Variants in CENPK observed in about 807,000 individuals in gnomAD.
CENPK encodes the protein SoxLZ/Sox6-binding protein Solt.
CENPK carries 46 observed loss-of-function variants against 40.9 expected under a neutral mutation model. The ratio of observed to expected loss-of-function variants is 1.13; its 90% CI spans 0.89 to 1.44. The LOEUF is 1.44. Among genes scored for constraint, CENPK ranks in the 40% most tolerant of loss-of-function variants. The pLI is 0.00. For synonymous variants in CENPK, 107 were observed against 104.4 expected (o/e 1.02, Z -0.15); for missense variants, 288 against 303.5 (o/e 0.95, Z 0.38).
chr5:65,531,448 A>G (rs1431596357), intron 6 of CENPK, among the ~76,000 whole-genome samples: 1 of 151,678 alleles, frequency 6.6e-6, no homozygotes, highest in Non-Finnish European at 1.5e-5. Flanking sequence ...ATGCAACATC[A>G]AGATTTCTGG....
intron 6 of CENPK, among the ~76,000 whole-genome samples, chr5:65,531,421 T>TC (rs1235928726): frequency 7.1e-6 from 1 of 140,096 alleles, no homozygotes; most frequent in Non-Finnish European, 1.5e-5. Flanking sequence ...TTTTTTTTCA[T>TC]CCCCCAAACA....
downstream of CENPK, among the ~76,000 whole-genome samples, chr5:65,513,841 T>A (rs1261202611): frequency 6.6e-6 from 1 of 152,216 alleles, no homozygotes. Context: ...TTGTTAGCTG[T>A]AGGTTTTTTG....
intron 9 of CENPK, among the ~76,000 whole-genome samples, chr5:65,527,513 ATATATATATATATATATAT>A (rs1744926039): frequency 8.4e-5 from 1 of 11,868 alleles, no homozygotes; most frequent in Non-Finnish European, 1.8e-4. Flanking sequence ...ATATATATAT[ATATATATATATATATATAT>A]ATATATATAT....
intron 10 of CENPK, among the ~76,000 whole-genome samples, chr5:65,520,183 CG>C (rs1267664542): frequency 6.6e-6 from 1 of 152,084 alleles, no homozygotes; most frequent in Non-Finnish European, 1.5e-5. Flanking sequence ...TCGCAAGATC[CG>C]GCTGCTTAAA....
chr5:65,530,660 A>G (rs1016430637), intron 6 of CENPK, among the ~76,000 whole-genome samples: 2 of 152,364 alleles, frequency 1.3e-5, no homozygotes, highest in African/African-American at 4.8e-5. Context: ...TAAAGTAACT[A>G]TGAAAACAAA....
intron 10 of CENPK, among the ~76,000 whole-genome samples, chr5:65,520,202 G>A (rs1308375414): frequency 6.6e-6 from 1 of 152,122 alleles, no homozygotes; most frequent in Non-Finnish European, 1.5e-5. Context: ...AAAAGTGTGT[G>A]TGGTACCTTT....
intron 6 of CENPK, among the ~76,000 whole-genome samples, chr5:65,538,430 T>A (rs184787961): frequency 3.1e-4 from 47 of 152,308 alleles, no homozygotes; most frequent in African/African-American, 1.1e-3. Context: ...TACTTAGAAA[T>A]ATTTTCTTTT....
chr5:65,549,054 TTAAA>T (rs1749516052), intron 5 of CENPK, among the ~76,000 whole-genome samples: 1 of 152,242 alleles, frequency 6.6e-6, no homozygotes, highest in Non-Finnish European at 1.5e-5. Flanking sequence ...AGTGTATTTC[TTAAA>T]TAATAAGACT....
In CENPK at chr5:65,518,535, T is replaced by A; in HGVS notation, c.750A>T (p.Gly250=). ...GATCTTCTGGATGTCTCAAGGCAAT[T>A]CCATTACGCAGCAGCAGCTCAACAT... ...PPYVELLLRN[G]IALRHPEDPT... is the part of the protein sequence containing the mutation. The change falls in exon 11 of 11, where the codon GGA becomes GGT. Residue 250 remains glycine, a synonymous_variant. Coordinates refer to ENST00000396679, the MANE Select transcript of CENPK (RefSeq NM_022145.5). The A allele has an allele frequency of 6.2e-7, 1 of 1,613,524 alleles. No individual in the cohort carries two copies. The highest frequency in any genetic ancestry group is 8.5e-7 in the Non-Finnish European group (1 of 1,179,776).
intron 5 of CENPK, among the ~76,000 whole-genome samples, chr5:65,547,118 C>G (rs553118350): frequency 6.6e-6 from 1 of 152,130 alleles, no homozygotes; most frequent in Admixed American, 6.5e-5. Flanking sequence ...TGAGGCTGGG[C>G]GTGGTGGCTC....
chr5:65,529,334 T>A (rs1403263725), intron 6 of CENPK, 135 bp from the exon 7 acceptor site: 17 of 616,852 alleles, frequency 2.8e-5, no homozygotes, highest in Non-Finnish European at 5.6e-6. Flanking sequence ...CAGAAAGCAT[T>A]TGAAAAGGTA....
Position 65,518,619 on chromosome 5 carries a change from T to C in CENPK, c.666A>G (p.Arg222=). The C allele has an allele frequency of 6.3e-7, 1 of 1,583,926 alleles. No homozygotes were observed. The change falls in exon 11 of 11, where the codon AGA becomes AGG. Residue 222 remains arginine (R), a synonymous_variant. Coordinates refer to ENST00000396679, the MANE Select transcript of CENPK (RefSeq NM_022145.5). The part of the protein sequence containing the change: ...LHEMLEILIN[R]LFDVPHDPYV... ...ATGGATCATGTGGAACATCAAATAA[T>C]CTATTTATAAGAATCTAGGAGAAAA... is the stretch of plus-strand genomic sequence containing the variant.
intron 6 of CENPK, among the ~76,000 whole-genome samples, chr5:65,532,933 A>T (rs1746131529): frequency 6.6e-6 from 1 of 150,542 alleles, no homozygotes; most frequent in African/African-American, 2.4e-5. Flanking sequence ...AAAAAAAAAA[A>T]AAATCAATTT....
the CENPK span, among the ~76,000 whole-genome samples, chr5:65,502,743 G>A: frequency 0.019 from 2,912 of 151,852 alleles, 71 homozygotes; most frequent in African/African-American, 0.058. Context: ...GATTACAGGC[G>A]TCACCTACTG....
At chr5:65,499,564 T>A in the CENPK span, among the ~76,000 whole-genome samples, 2 of 151,966 alleles carry the variant, frequency 1.3e-5, no homozygotes, top group African/African-American at 4.8e-5. Flanking sequence ...TTATGCTTTT[T>A]ACCAAATTTG....
intron 6 of CENPK, among the ~76,000 whole-genome samples, chr5:65,537,640 T>G (rs1342901926): frequency 6.6e-6 from 1 of 152,238 alleles, no homozygotes; most frequent in Non-Finnish European, 1.5e-5. Flanking sequence ...CAGTCTGTGA[T>G]GCTCTGCAAT....
chr5:65,501,241 G>A, the CENPK span, among the ~76,000 whole-genome samples: 1 of 120,966 alleles, frequency 8.3e-6, no homozygotes, highest in Non-Finnish European at 1.6e-5. Flanking sequence ...GTGCAATGAT[G>A]CAATCTCGCT....
chr5:65,549,683 C>T (rs1009078795), intron 5 of CENPK, among the ~76,000 whole-genome samples: 3 of 152,192 alleles, frequency 2.0e-5, no homozygotes, highest in Non-Finnish European at 2.9e-5. Context: ...ATGAACCAAC[C>T]TCTGCTAGCT....
intron 6 of CENPK, among the ~76,000 whole-genome samples, chr5:65,539,070 T>C (rs556871832): frequency 6.6e-6 from 1 of 152,232 alleles, no homozygotes; most frequent in African/African-American, 2.4e-5. Context: ...TTTGCTTCCA[T>C]CTTCTCTTCT....
Sources: allele counts gnomAD v4.1 joint callset (sites outside exome capture counted in the v4.1 genomes callset), GRCh38; gene constraint gnomAD v4.1.1; transcripts MANE v1.5; gene names NCBI Gene and HGNC (gene_info 2026-07-23, HGNC 2026-07-21).